LEMD1: variants seen among roughly 807,000 people sequenced by gnomAD.
LEMD1 encodes the protein LEM domain containing 1.
LEMD1 carries 18 observed loss-of-function variants against 17.4 expected under a neutral mutation model. That is an observed-to-expected ratio of 1.04 (90% CI 0.72 to 1.54). LEMD1 has a LOEUF of 1.54. LEMD1 is among the 40% of genes most tolerant of loss of function. The probability of loss-of-function intolerance (pLI) is 0.00; values close to 1 mark genes in which losing one functional copy is unlikely to be tolerated. For synonymous variants in LEMD1, 88 were observed against 77.8 expected (o/e 1.13, Z -0.69); for missense variants, 195 against 210.4 (o/e 0.93, Z 0.45).
chr1:205,390,769 A>G (rs1664294045), intron 4 of LEMD1, among the ~76,000 whole-genome samples: 2 of 152,250 alleles, frequency 1.3e-5, no homozygotes, highest in Non-Finnish European at 2.9e-5. Context: ...TAATAAAGCT[A>G]ACAAAAGATG....
chr1:205,408,049 C>G (rs1449275598), intron 4 of LEMD1, among the ~76,000 whole-genome samples: 1 of 151,196 alleles, frequency 6.6e-6, no homozygotes, highest in Admixed American at 6.6e-5. Flanking sequence ...GGCTCCAGAT[C>G]GAAGGAGAAG....
intron 4 of LEMD1, among the ~76,000 whole-genome samples, chr1:205,398,206 C>T (rs1244905118): frequency 1.3e-5 from 2 of 152,208 alleles, no homozygotes; most frequent in African/African-American, 2.4e-5. Flanking sequence ...TTTCTCTTCA[C>T]TTTGACCCAA....
At chr1:205,409,874 G>A (rs1227894067) in intron 4 of LEMD1, among the ~76,000 whole-genome samples, 2 of 152,044 alleles carry the variant, frequency 1.3e-5, no homozygotes, top group Non-Finnish European at 2.9e-5. Context: ...CTGGGTTCAA[G>A]TGATTCTCCT....
chr1:205,400,602 C>T (rs1857509), intron 4 of LEMD1, among the ~76,000 whole-genome samples: 46,780 of 152,056 alleles, frequency 0.31, 7,547 homozygotes, highest in African/African-American at 0.38. Flanking sequence ...TTCTGTTCCC[C>T]CTCCTGGCAC....
chr1:205,444,690 C>T (rs1666352907), intron 1 of LEMD1, among the ~76,000 whole-genome samples: 2 of 152,140 alleles, frequency 1.3e-5, no homozygotes, highest in South Asian at 4.1e-4. Flanking sequence ...CTAGGTGTCT[C>T]GAATTTTGGC....
intron 1 of LEMD1, among the ~76,000 whole-genome samples, chr1:205,433,024 T>C (rs1209549677): frequency 2.0e-5 from 3 of 150,764 alleles, no homozygotes; most frequent in African/African-American, 7.3e-5. Flanking sequence ...AAATAAAAAA[T>C]ATAAAAATTC....
chr1:205,389,328 C>T (rs1233940184), intron 4 of LEMD1, among the ~76,000 whole-genome samples: 3 of 152,030 alleles, frequency 2.0e-5, no homozygotes, highest in Admixed American at 2.0e-4. Context: ...GGATTACAGG[C>T]GTGAGCCACT....
chr1:205,389,434 A>T (rs1664226364), intron 4 of LEMD1, among the ~76,000 whole-genome samples: 1 of 152,208 alleles, frequency 6.6e-6, no homozygotes, highest in African/African-American at 2.4e-5. Flanking sequence ...TTGCATTTCC[A>T]CAAGACATAT....
intron 1 of LEMD1, among the ~76,000 whole-genome samples, chr1:205,440,421 C>T (rs1252492078): frequency 1.3e-5 from 2 of 152,158 alleles, no homozygotes; most frequent in African/African-American, 4.8e-5. Context: ...GGATTCTTGC[C>T]CCAGGTCCTG....
At chr1:205,443,490 C>T (rs912950198) in intron 1 of LEMD1, among the ~76,000 whole-genome samples, 2 of 152,118 alleles carry the variant, frequency 1.3e-5, no homozygotes, top group African/African-American at 4.8e-5. Context: ...ACCTACACAT[C>T]AGAGGAAAGG....
At chr1:205,412,492 A>G (rs1665497313) in intron 4 of LEMD1, among the ~76,000 whole-genome samples, 1 of 152,248 alleles carries the variant, frequency 6.6e-6, no homozygotes, top group Admixed American at 6.5e-5. Context: ...AAAACAACTA[A>G]AAATGAGAGG....
At chr1:205,434,705 G>A (rs1426587683) in intron 1 of LEMD1, among the ~76,000 whole-genome samples, 1 of 152,010 alleles carries the variant, frequency 6.6e-6, no homozygotes, top group African/African-American at 2.4e-5. Context: ...CTCCTTCTTG[G>A]CCCCAACACC....
chr1:205,439,362 G>A (rs898198685), intron 1 of LEMD1, among the ~76,000 whole-genome samples: 9 of 152,228 alleles, frequency 5.9e-5, no homozygotes, highest in African/African-American at 2.2e-4. Context: ...GGGGTTGGAG[G>A]ATGGGAGGAG....
chr1:205,393,976 A>G (rs1319150854), intron 4 of LEMD1, among the ~76,000 whole-genome samples: 1 of 152,204 alleles, frequency 6.6e-6, no homozygotes. Flanking sequence ...TGGATGAATG[A>G]ATAAACAAAT....
chr1:205,419,389 GT>G (rs760505453), intron 2 of LEMD1, 37 bp from the exon 3 acceptor site: 2 of 1,612,102 alleles, frequency 1.2e-6, no homozygotes, highest in Non-Finnish European at 1.7e-6. Flanking sequence ...AAATTGTTCT[GT>G]TTTTTGTATA....
At chr1:205,397,266 T>C (rs1166009638) in intron 4 of LEMD1, among the ~76,000 whole-genome samples, 2 of 152,208 alleles carry the variant, frequency 1.3e-5, no homozygotes, top group Non-Finnish European at 2.9e-5. Context: ...CCTTTTGATA[T>C]AATGGAGAGG....
rs748677505 is a variant in LEMD1, at chr1:205,381,796, GTC to G, written c.406_407del (p.Asp136LeufsTer41). 1.2e-6 allele frequency: 2 copies of G among 1,614,140 alleles called. No individual in the cohort carries two copies. Among genetic ancestry groups the G allele is most frequent in the African/African-American group, 1.3e-5 (1 of 75,014 alleles). Reference sequence around the variant, plus strand: ...CGATAGTCTGGTCTTCCGCGCAGTAGTCTCTCTCTTTGGTGATAGTCCCATAT... The same window carrying G: ...CGATAGTCTGGTCTTCCGCGCAGTAGTCTCTCTTTGGTGATAGTCCCATAT... ...ITYGTITKER[D>X]YCAEDQTIES... is the part of the protein sequence containing the mutation. On this transcript the variant is annotated frameshift_variant, in exon 6 of 6. Transcript: ENST00000367153. LOFTEE classifies it low-confidence loss of function (END_TRUNC).
chr1:205,448,630 C>T lies in LEMD1; in HGVS notation c.-39+1238G>A, dbSNP rs1218778278. On this transcript the variant is annotated intron_variant, in intron 1 of 3. Coordinates refer to the LEMD1 transcript ENST00000367154. This position sits in a 1 kb window ranked among gnomAD's most constrained non-coding sequence, Gnocchi z 4.7. ...AAGGCCTCACACAATGGTCCTCACT[C>T]CAGGGTATGAGGAGGGGTGGCTTCC... is the stretch of plus-strand genomic sequence containing the variant. Among the ~76,000 whole-genome samples, 1 of 151,998 alleles carries T rather than the reference C, an allele frequency of 6.6e-6. No homozygotes were observed. Among genetic ancestry groups the T allele is most frequent in the Non-Finnish European group, 1.5e-5 (1 of 67,926 alleles).
chr1:205,432,793 C>T (rs1014403492), intron 1 of LEMD1, among the ~76,000 whole-genome samples: 30 of 152,134 alleles, frequency 2.0e-4, no homozygotes, highest in South Asian at 1.0e-3. Context: ...AGGATAGCTT[C>T]AGCTCAGGAG....
Sources: gnomAD v4.1 joint callset for allele counts (sites outside exome capture counted in the v4.1 genomes callset) on GRCh38, gnomAD v4.1.1 for gene constraint, Gnocchi (gnomAD v3.1) non-coding constraint, MANE v1.5 for transcripts, NCBI Gene and HGNC (gene_info 2026-07-23, HGNC 2026-07-21) for gene names.